TMCO5A: variants seen among roughly 807,000 people sequenced by gnomAD.
TMCO5A encodes transmembrane and coiled-coil domains 5A.
A neutral mutation model predicts 42.3 loss-of-function variants in TMCO5A; 34 were observed. The ratio of observed to expected loss-of-function variants is 0.80; its 90% CI spans 0.61 to 1.07. The LOEUF (loss-of-function observed/expected upper bound fraction) is 1.07, where lower values mean the gene tolerates loss of function less well. Among genes scored for constraint, TMCO5A ranks in the 50% least tolerant of loss-of-function variants. TMCO5A has a pLI of 0.00. For synonymous variants in TMCO5A, 131 were observed against 115.6 expected, an observed-to-expected ratio of 1.13 and a Z score of -0.86; for missense variants, 357 against 327.9, an observed-to-expected ratio of 1.09 and a Z score of -0.69.
chr15:38,022,215 A>G, the TMCO5A span, among the ~76,000 whole-genome samples: 3 of 152,180 alleles, frequency 2.0e-5, no homozygotes, highest in Non-Finnish European at 4.4e-5. Context: ...AAACCTGCAC[A>G]CGAATTTATT....
intron 11 of TMCO5A, chr15:37,966,551 G>A: frequency 5.7e-6 from 4 of 702,530 alleles, no homozygotes; most frequent in South Asian, 4.4e-5. Flanking sequence ...TAGACTTGGG[G>A]CTTTAGGCAA....
At chr15:37,997,543 G>A in the TMCO5A span, among the ~76,000 whole-genome samples, 13 of 152,206 alleles carry the variant, frequency 8.5e-5, no homozygotes, top group East Asian at 2.3e-3. Context: ...ACAGGATCTT[G>A]TTCTTTTTTA....
At chr15:37,935,599 G>T (rs1290497205) in intron 2 of TMCO5A, among the ~76,000 whole-genome samples, 1 of 151,946 alleles carries the variant, frequency 6.6e-6, no homozygotes, top group African/African-American at 2.4e-5. Flanking sequence ...ACAAACCAAT[G>T]AATTAATTTA....
the TMCO5A span, chr15:38,025,150 C>A: frequency 7.1e-6 from 1 of 141,616 alleles, no homozygotes; most frequent in Non-Finnish European, 1.5e-5. Context: ...GGAGGTAGGG[C>A]CACAGCTTTT....
the TMCO5A span, chr15:38,020,082 T>C: frequency 6.6e-6 from 1 of 152,064 alleles, no homozygotes; most frequent in Non-Finnish European, 1.5e-5. Flanking sequence ...AGCCTCAAAC[T>C]CCTGGGATCA....
At chr15:37,939,518 C>A (rs1052674893) in intron 6 of TMCO5A, among the ~76,000 whole-genome samples, 3 of 152,048 alleles carry the variant, frequency 2.0e-5, no homozygotes. Flanking sequence ...ATAAGACCAG[C>A]CAGAATTGAG....
At chr15:37,935,798 A>C (rs1889488658) in intron 2 of TMCO5A, among the ~76,000 whole-genome samples, 1 of 152,118 alleles carries the variant, frequency 6.6e-6, no homozygotes, top group Non-Finnish European at 1.5e-5. Flanking sequence ...ACTTTGTAGC[A>C]GGCAAGTGAG....
At chr15:37,991,647 A>G in the TMCO5A span, among the ~76,000 whole-genome samples, 1 of 152,050 alleles carries the variant, frequency 6.6e-6, no homozygotes, top group Non-Finnish European at 1.5e-5. Context: ...TCTTATCTTC[A>G]AGTTCCTCAA....
At position 37,936,415 on chromosome 15, in the gene TMCO5A, A is replaced by G; in HGVS notation, c.92A>G (p.Asn31Ser). 1 of 1,613,180 alleles carries G rather than the reference A, an allele frequency of 6.2e-7. No homozygotes were observed. Among genetic ancestry groups the G allele is most frequent in the South Asian group, 1.1e-5 (1 of 91,040 alleles). ...ERDTQRIDEA[N>S]QKLLLKIQER... ...GATACGCAGAGAATAGATGAAGCAA[A>G]TCAGAAACTTCTTCTCAAAATCCAA... The change falls in exon 3 of 12, where the codon AAT (asparagine) becomes AGT (serine). Residue 31 changes from asparagine to serine, a missense_variant. Transcript: ENST00000319669.
chr15:38,038,550 CA>C, the TMCO5A span, among the ~76,000 whole-genome samples: 1 of 152,096 alleles, frequency 6.6e-6, no homozygotes, highest in South Asian at 2.1e-4. Flanking sequence ...GGACTACAGG[CA>C]CCCACCACCA....
At chr15:37,983,121 C>T in the TMCO5A span, among the ~76,000 whole-genome samples, 3 of 152,202 alleles carry the variant, frequency 2.0e-5, no homozygotes, top group East Asian at 5.8e-4. Context: ...CATATACATG[C>T]AAGTGTGTCA....
chr15:38,011,416 T>C, the TMCO5A span, among the ~76,000 whole-genome samples: 1 of 152,178 alleles, frequency 6.6e-6, no homozygotes, highest in Non-Finnish European at 1.5e-5. Flanking sequence ...AGAGTGTGTG[T>C]GTGCGATGGT....
chr15:38,000,852 T>G, the TMCO5A span, among the ~76,000 whole-genome samples: 1 of 152,130 alleles, frequency 6.6e-6, no homozygotes, highest in Non-Finnish European at 1.5e-5. Context: ...TTATTCCATG[T>G]GGTCAGATAA....
intron 11 of TMCO5A, among the ~76,000 whole-genome samples, chr15:37,965,529 C>A (rs534940564): frequency 6.6e-6 from 1 of 152,046 alleles, no homozygotes; most frequent in East Asian, 1.9e-4. Context: ...GATTAATAAC[C>A]AGGGTATATA....
chr15:37,975,337 T>G, the TMCO5A span, among the ~76,000 whole-genome samples: 2 of 152,350 alleles, frequency 1.3e-5, no homozygotes, highest in African/African-American at 4.8e-5. Flanking sequence ...CAGTGGGGTG[T>G]TGAAGTCTCC....
chr15:37,976,793 C>CTTTTT, the TMCO5A span, among the ~76,000 whole-genome samples: 159 of 116,806 alleles, frequency 1.4e-3, no homozygotes, highest in Non-Finnish European at 2.1e-3. Flanking sequence ...TTTCTTCTTT[C>CTTTTT]TTTTTTTTTT....
chr15:38,010,448 CACACACACAG>C, the TMCO5A span, among the ~76,000 whole-genome samples: 3 of 147,642 alleles, frequency 2.0e-5, no homozygotes, highest in Non-Finnish European at 4.5e-5. Context: ...CACACACACA[CACACACACAG>C]GAAGGGGCCA....
intron 11 of TMCO5A, among the ~76,000 whole-genome samples, chr15:37,959,684 G>C (rs1303534406): frequency 6.6e-6 from 1 of 152,010 alleles, no homozygotes; most frequent in East Asian, 1.9e-4. Context: ...AAAGAACATA[G>C]CTCAACGTAA....
chr15:37,959,252 A>G (rs999202237), intron 11 of TMCO5A, among the ~76,000 whole-genome samples: 2 of 152,054 alleles, frequency 1.3e-5, no homozygotes, highest in African/African-American at 4.8e-5. Context: ...GTACCCCAGA[A>G]TTTAAAGTAT....
Sources: gnomAD v4.1 joint callset for allele counts (sites outside exome capture counted in the v4.1 genomes callset) on GRCh38, gnomAD v4.1.1 for gene constraint, MANE v1.5 for transcripts, NCBI Gene and HGNC (gene_info 2026-07-23, HGNC 2026-07-21) for gene names.